The following SLC8A1 variants were observed in gnomAD, a reference collection of about 807,000 sequenced individuals.
The protein encoded by SLC8A1 is sodium/calcium exchanger 1.
A neutral mutation model predicts 68.3 loss-of-function variants in SLC8A1; 18 were observed. That is an observed-to-expected ratio of 0.26 (90% confidence interval 0.18 to 0.39). The LOEUF (loss-of-function observed/expected upper bound fraction) is 0.39, where lower values mean the gene tolerates loss of function less well. Among genes scored for constraint, SLC8A1 ranks in the 10% least tolerant of loss-of-function variants. SLC8A1 has a pLI of 1.00. For synonymous variants in SLC8A1, 475 were observed against 415.5 expected (o/e 1.14, Z -1.74); for missense variants, 985 against 1,156.7 (o/e 0.85, Z 2.15).
intron 2 of SLC8A1, among the ~76,000 whole-genome samples, chr2:40,426,278 T>A (rs943853959): frequency 4.6e-5 from 7 of 152,040 alleles, no homozygotes; most frequent in Non-Finnish European, 7.4e-5. Flanking sequence ...GCAAGAAACT[T>A]GCGATTGATC....
intron 2 of SLC8A1, among the ~76,000 whole-genome samples, chr2:40,389,864 AAT>A (rs72457902): frequency 0.074 from 11,214 of 150,586 alleles, 1,354 homozygotes; most frequent in African/African-American, 0.26. Flanking sequence ...AAAGAAAATC[AAT>A]GTTATAATCA....
chr2:40,240,854 G>C (rs1048798537), intron 2 of SLC8A1, among the ~76,000 whole-genome samples: 4 of 152,066 alleles, frequency 2.6e-5, no homozygotes, highest in African/African-American at 9.7e-5. Flanking sequence ...ACTACTGCCT[G>C]GATGACAGAA....
At chr2:40,420,041 G>A (rs1448114223) in intron 2 of SLC8A1, among the ~76,000 whole-genome samples, 1 of 152,166 alleles carries the variant, frequency 6.6e-6, no homozygotes. Context: ...GGACATTCAT[G>A]TGATTTTAGG....
chr2:40,197,465 C>T (rs1009361591), intron 2 of SLC8A1, among the ~76,000 whole-genome samples: 8 of 151,956 alleles, frequency 5.3e-5, no homozygotes, highest in African/African-American at 1.9e-4. Flanking sequence ...TAATTAGTCC[C>T]TAACATACAC....
chr2:40,482,535 C>G (rs1401279748), intron 1 of SLC8A1, among the ~76,000 whole-genome samples: 1 of 152,014 alleles, frequency 6.6e-6, no homozygotes, highest in East Asian at 1.9e-4. Context: ...CTGAGTACCA[C>G]CGATGACAAT....
chr2:40,416,642 T>G (rs942274556), intron 2 of SLC8A1, among the ~76,000 whole-genome samples: 5 of 152,012 alleles, frequency 3.3e-5, no homozygotes, highest in Non-Finnish European at 7.4e-5. Context: ...TTCAGAGAAA[T>G]GAAATGACTC....
At chr2:40,210,526 G>C (rs947198605) in intron 2 of SLC8A1, among the ~76,000 whole-genome samples, 2 of 152,160 alleles carry the variant, frequency 1.3e-5, no homozygotes, top group African/African-American at 4.8e-5. Context: ...GAAAGTGTTA[G>C]TCACTACTGA....
chr2:40,450,592 G>A (rs1302669927), intron 1 of SLC8A1, among the ~76,000 whole-genome samples: 3 of 152,146 alleles, frequency 2.0e-5, no homozygotes, highest in Non-Finnish European at 4.4e-5. Context: ...CGCTTGTACT[G>A]TCTTCACCAC....
intron 1 of SLC8A1, among the ~76,000 whole-genome samples, chr2:40,472,580 T>C (rs971153207): frequency 1.3e-5 from 2 of 152,124 alleles, no homozygotes; most frequent in Non-Finnish European, 2.9e-5. Context: ...CCCAGGCTGG[T>C]CTCAAACTCA....
At chr2:40,380,604 G>A (rs1430320542) in intron 2 of SLC8A1, among the ~76,000 whole-genome samples, 7 of 152,086 alleles carry the variant, frequency 4.6e-5, no homozygotes, top group Non-Finnish European at 1.0e-4. Flanking sequence ...AGCTGCACTT[G>A]AAGAACACTT....
intron 1 of SLC8A1, among the ~76,000 whole-genome samples, chr2:40,490,327 T>A (rs1334627262): frequency 1.3e-5 from 2 of 152,142 alleles, no homozygotes; most frequent in African/African-American, 4.8e-5. Context: ...ACTTTAGTAT[T>A]TCAAAAGGAA....
At chr2:40,122,787 T>G (rs1227312644) in intron 7 of SLC8A1, among the ~76,000 whole-genome samples, 1 of 152,210 alleles carries the variant, frequency 6.6e-6, no homozygotes, top group African/African-American at 2.4e-5. Flanking sequence ...ACACATAGAT[T>G]TGTTTTTAGA....
intron 1 of SLC8A1, among the ~76,000 whole-genome samples, chr2:40,488,771 T>C (rs1705134307): frequency 6.6e-6 from 1 of 152,150 alleles, no homozygotes; most frequent in Non-Finnish European, 1.5e-5. Context: ...ATTTCTTTGC[T>C]TGTCTGAGAT....
intron 2 of SLC8A1, among the ~76,000 whole-genome samples, chr2:40,408,618 G>T (rs1691121662): frequency 6.6e-6 from 1 of 152,180 alleles, no homozygotes; most frequent in African/African-American, 2.4e-5. Flanking sequence ...TGGCCCAACT[G>T]TGGGAATTGA....
intron 2 of SLC8A1, among the ~76,000 whole-genome samples, chr2:40,347,186 C>T (rs1030000702): frequency 1.3e-5 from 2 of 152,184 alleles, no homozygotes; most frequent in African/African-American, 4.8e-5. Flanking sequence ...CCAGGCTAGA[C>T]TGCAGTGGTG....
intron 2 of SLC8A1, among the ~76,000 whole-genome samples, chr2:40,212,107 A>G (rs892697803): frequency 4.6e-5 from 7 of 152,116 alleles, no homozygotes; most frequent in Non-Finnish European, 8.8e-5. Context: ...TGTAATTTAA[A>G]TAAGCAATGA....
chr2:40,354,367 G>A (rs182841763), intron 2 of SLC8A1, among the ~76,000 whole-genome samples: 7 of 127,274 alleles, frequency 5.5e-5, no homozygotes, highest in Non-Finnish European at 9.1e-5. Flanking sequence ...AATCCAAAGA[G>A]CTATTTCTTT....
chr2:40,309,415 A>T (rs1336359827), intron 2 of SLC8A1, among the ~76,000 whole-genome samples: 1 of 151,448 alleles, frequency 6.6e-6, no homozygotes, highest in Non-Finnish European at 1.5e-5. Context: ...ACCTGATTCT[A>T]TGATCTCCCT....
At chr2:40,423,613 T>A (rs1408520934) in intron 2 of SLC8A1, among the ~76,000 whole-genome samples, 2 of 152,104 alleles carry the variant, frequency 1.3e-5, no homozygotes, top group East Asian at 3.9e-4. Flanking sequence ...CTATGAAATC[T>A]CAATTGCTAA....
Sources: allele counts gnomAD v4.1 joint callset (sites outside exome capture counted in the v4.1 genomes callset), GRCh38; gene constraint gnomAD v4.1.1; transcripts MANE v1.5; gene names NCBI Gene and HGNC (gene_info 2026-07-23, HGNC 2026-07-21).